The following TMED6 variants were observed in gnomAD, a reference collection of about 807,000 sequenced individuals.
TMED6 encodes the protein transmembrane p24 trafficking protein 6, also known as transmembrane emp24 domain-containing protein 6.
A neutral mutation model predicts 26.5 loss-of-function variants in TMED6; 17 were observed. The observed-to-expected ratio is 0.64, with a 90% CI of 0.44 to 0.96. The LOEUF is 0.96. Ranked by LOEUF, TMED6 falls within the 40% of genes least tolerant of loss-of-function variation. The pLI is 0.00. For missense variants in TMED6, 309 were observed against 296.5 expected, an observed-to-expected ratio of 1.04 and a Z score of -0.31; for synonymous variants, 107 against 106.2, an observed-to-expected ratio of 1.01 and a Z score of -0.04.
At chr16:69,349,985 T>C (rs1215551665) in intron 1 of TMED6, among the ~76,000 whole-genome samples, 1 of 152,054 alleles carries the variant, frequency 6.6e-6, no homozygotes, top group African/African-American at 2.4e-5. Context: ...AAATGTATGA[T>C]TCTGGGCCGG....
intron 3 of TMED6, among the ~76,000 whole-genome samples, chr16:69,344,508 C>T (rs1378194423): frequency 1.3e-5 from 2 of 152,040 alleles, no homozygotes; most frequent in African/African-American, 4.8e-5. Flanking sequence ...TGCAGTGGCT[C>T]ATACCTGTAA....
intron 1 of TMED6, among the ~76,000 whole-genome samples, chr16:69,350,956 C>T (rs7187579): frequency 0.15 from 23,301 of 152,094 alleles, 1,934 homozygotes; most frequent in Middle Eastern, 0.24. Flanking sequence ...AGTTCACCAT[C>T]CTTGGACAGC....
chr16:69,343,982 C>T lies in TMED6; in HGVS notation c.490-342G>A, dbSNP rs200764513. On this transcript the variant is annotated intron_variant, in intron 3 of 3. Coordinates refer to ENST00000288025, the MANE Select transcript of TMED6 (RefSeq NM_144676.4). Reference sequence around the variant, plus strand: ...TAGCTGGGACTACAGGCACATGCCACTACACCCAGCTAATTTTTTTTTTTT... The same window carrying T: ...TAGCTGGGACTACAGGCACATGCCATTACACCCAGCTAATTTTTTTTTTTT... Among the ~76,000 whole-genome samples the T allele has an allele frequency of 5.6e-4, 85 of 152,112 alleles. No individual in the cohort carries two copies. In the East Asian group the frequency reaches 0.014, roughly 24 times the overall value.
chr16:69,348,858 G>A (rs536101984), intron 2 of TMED6, among the ~76,000 whole-genome samples: 8 of 152,212 alleles, frequency 5.3e-5, no homozygotes, highest in African/African-American at 1.2e-4. Context: ...CAGGTGATCC[G>A]CCCACCTTGG....
intron 3 of TMED6, among the ~76,000 whole-genome samples, chr16:69,346,771 T>C (rs1275506156): frequency 6.6e-6 from 1 of 151,926 alleles, no homozygotes; most frequent in Admixed American, 6.6e-5. Flanking sequence ...ATAATAAAAA[T>C]AAGCCAGTCA....
chr16:69,348,607 C>T (rs1216265533), intron 2 of TMED6, among the ~76,000 whole-genome samples: 1 of 151,498 alleles, frequency 6.6e-6, no homozygotes, highest in East Asian at 1.9e-4. Context: ...ATGTAGGGGC[C>T]AAAGATGTTC....
Position 69,349,508 on chromosome 16 carries a change from T to C in TMED6, c.340+17A>G, listed in dbSNP as rs764284200. ...GACCCTATGATTATTATAATAGCCA[T>C]GGTAATGAAAACAGACCTGTCTCTT... On this transcript the variant is annotated intron_variant, in intron 2 of 3. Transcript: ENST00000288025. 9.3e-6 allele frequency: 15 copies of C among 1,611,428 alleles called. 1 individual carries two copies. The highest frequency in any genetic ancestry group is 3.3e-5 in the South Asian group (3 of 90,964).
chr16:69,348,940 C>A (rs2012733837), intron 2 of TMED6, among the ~76,000 whole-genome samples: 1 of 152,206 alleles, frequency 6.6e-6, no homozygotes, highest in South Asian at 2.1e-4. Context: ...AACACTGATA[C>A]ACATGCTGTG....
intron 1 of TMED6, among the ~76,000 whole-genome samples, chr16:69,350,846 A>T (rs1304774734): frequency 2.0e-5 from 3 of 152,214 alleles, no homozygotes. Context: ...CAGTGGAGTA[A>T]GATCAACAAA....
chr16:69,348,995 T>G (rs575093308), intron 2 of TMED6, among the ~76,000 whole-genome samples: 1 of 152,340 alleles, frequency 6.6e-6, no homozygotes, highest in East Asian at 1.9e-4. Context: ...AGAAAATGTC[T>G]TTTTTAGTGC....
rs377213081 is a variant in TMED6 at position 69,348,870 on chromosome 16, C to T, written c.340+655G>A. Among the ~76,000 whole-genome samples, 75 of 152,300 alleles carry T rather than the reference C, an allele frequency of 4.9e-4. No individual in the cohort carries two copies. In the South Asian group the frequency reaches 0.014, roughly 29 times the overall value. ...CCTCAGGTGATCCGCCCACCTTGGCCTCCCAAAGTGCTGAGATTACAGGTG... is the reference window on the plus strand; with the variant it reads ...CCTCAGGTGATCCGCCCACCTTGGCTTCCCAAAGTGCTGAGATTACAGGTG... On this transcript the variant is annotated intron_variant, in intron 2 of 3. Coordinates refer to ENST00000288025, the MANE Select transcript of TMED6 (RefSeq NM_144676.4).
At chr16:69,349,777 C>T (rs1222791912) in intron 1 of TMED6, 126 bp from the exon 2 acceptor site, 1 of 1,241,604 alleles carries the variant, frequency 8.1e-7, no homozygotes, top group African/African-American at 1.5e-5. Flanking sequence ...ACTGCCCAAC[C>T]CCCTGCTGGG....
chr16:69,345,412 G>A (rs958932595), intron 3 of TMED6, among the ~76,000 whole-genome samples: 5 of 151,668 alleles, frequency 3.3e-5, no homozygotes, highest in African/African-American at 1.2e-4. Flanking sequence ...GGCAGGGTGC[G>A]GTGGCTCACG....
intron 1 of TMED6, among the ~76,000 whole-genome samples, chr16:69,349,890 G>A (rs572664256): frequency 6.6e-6 from 1 of 152,232 alleles, no homozygotes; most frequent in African/African-American, 2.4e-5. Flanking sequence ...AGTACAGCAG[G>A]ACAAAGAACT....
At chr16:69,345,364 A>G (rs2012667071) in intron 3 of TMED6, among the ~76,000 whole-genome samples, 1 of 152,084 alleles carries the variant, frequency 6.6e-6, no homozygotes, top group Non-Finnish European at 1.5e-5. Context: ...TTGTATCCAG[A>G]ATATATAAAC....
intron 2 of TMED6, among the ~76,000 whole-genome samples, chr16:69,349,241 T>A (rs2012737926): frequency 6.6e-6 from 1 of 152,206 alleles, no homozygotes; most frequent in South Asian, 2.1e-4. Context: ...TGGGTCTCTG[T>A]TTTTTGGTCA....
In TMED6 at chr16:69,349,537, T is replaced by C. The variant is rs774160003; in HGVS notation, c.328A>G (p.Thr110Ala). The change falls in exon 2 of 4, where the codon ACC (threonine) becomes GCC (alanine). Residue 110 changes from threonine (T) to alanine (A), a missense_variant. Coordinates refer to ENST00000288025, the MANE Select transcript of TMED6 (RefSeq NM_144676.4). ...QGVRGQINFS[T>A]QETGFYQLCL... ...AATGAAAACAGACCTGTCTCTTGGG[T>C]AGAGAAGTTAATCTGGCCCCGAACA... 1.2e-6 allele frequency: 2 copies of C among 1,613,646 alleles called. No homozygotes were observed. The highest frequency in any genetic ancestry group is 2.2e-5 in the South Asian group (2 of 91,068).
intron 3 of TMED6, among the ~76,000 whole-genome samples, chr16:69,343,949 C>T (rs1041220559): frequency 9.2e-5 from 14 of 152,230 alleles, no homozygotes; most frequent in African/African-American, 3.1e-4. Context: ...CCACCTCAGC[C>T]TCCCTAGTAG....
In TMED6 at chr16:69,351,604, T is replaced by A; in HGVS notation, c.150A>T (p.Pro50=). ...ATTGCCAAAAGCATTCCGTGCCTCC[T>A]GGAGGTATCATGATGGCAAAGTCAT... ...DRYDFAIMIP[P]GGTECFWQFA... is the part of the protein sequence containing the mutation. The change falls in exon 1 of 4, where the codon CCA becomes CCT. Residue 50 remains proline (P), a synonymous_variant. Coordinates refer to ENST00000288025, the MANE Select transcript of TMED6 (RefSeq NM_144676.4). 6.2e-7 allele frequency: 1 copy of A among 1,614,156 alleles called. No homozygotes were observed. Among genetic ancestry groups the A allele is most frequent in the South Asian group, 1.1e-5 (1 of 91,080 alleles).
Sources: gnomAD v4.1 joint callset for allele counts (sites outside exome capture counted in the v4.1 genomes callset) on GRCh38, gnomAD v4.1.1 for gene constraint, MANE v1.5 for transcripts, NCBI Gene and HGNC (gene_info 2026-07-23, HGNC 2026-07-21) for gene names.